SLC4A5: variants seen among roughly 807,000 people sequenced by gnomAD.
The protein encoded by SLC4A5 is electrogenic sodium bicarbonate cotransporter 4.
A neutral mutation model predicts 120.4 loss-of-function variants in SLC4A5; 96 were observed. The ratio of observed to expected loss-of-function variants is 0.80; its 90% CI spans 0.68 to 0.94. The LOEUF is 0.94. Ranked by LOEUF, SLC4A5 falls within the 40% of genes least tolerant of loss-of-function variation. The pLI, the probability that SLC4A5 is intolerant of heterozygous loss-of-function variation, is 0.00. For missense variants in SLC4A5, 1,259 were observed against 1,459.5 expected, an observed-to-expected ratio of 0.86 and a Z score of 2.24; for synonymous variants, 550 against 571.1, an observed-to-expected ratio of 0.96 and a Z score of 0.53.
At chr2:74,331,590 C>A (rs888406576) in intron 4 of SLC4A5, among the ~76,000 whole-genome samples, 4 of 151,766 alleles carry the variant, frequency 2.6e-5, no homozygotes, top group Admixed American at 2.6e-4. Context: ...GTCTGGAGAC[C>A]CTTATTCTTT....
At position 74,257,096 on chromosome 2, in the gene SLC4A5, G is replaced by A. The variant is rs575276715; in HGVS notation, c.868-1164C>T. On this transcript the variant is annotated intron_variant, in intron 12 of 30. Coordinates refer to ENST00000394019, the Ensembl canonical transcript of SLC4A5. Reference sequence around the variant, plus strand: ...AGGGGTCAGCTATGGGCATGGATATGGTCAACAGGTCCTGCCATTTTGTCC... The same window carrying A: ...AGGGGTCAGCTATGGGCATGGATATAGTCAACAGGTCCTGCCATTTTGTCC... Among the ~76,000 whole-genome samples the A allele has an allele frequency of 1.5e-4, 23 of 152,234 alleles. No homozygotes were observed. The South Asian group carries it at 2.9e-3, about 19-fold the overall frequency.
intron 21 of SLC4A5, among the ~76,000 whole-genome samples, chr2:74,238,777 C>T (rs1227207244): frequency 1.3e-5 from 2 of 152,102 alleles, no homozygotes; most frequent in Admixed American, 1.3e-4. Context: ...TATCTGCTGT[C>T]CAATATTTGC....
At chr2:74,267,777 C>T (rs1573044907) in intron 8 of SLC4A5, among the ~76,000 whole-genome samples, 1 of 152,196 alleles carries the variant, frequency 6.6e-6, no homozygotes, top group Non-Finnish European at 1.5e-5. Context: ...GGGTGGATCG[C>T]CTGTGCTCAG....
At chr2:74,322,872 A>T (rs907206918) in intron 5 of SLC4A5, among the ~76,000 whole-genome samples, 1 of 152,192 alleles carries the variant, frequency 6.6e-6, no homozygotes, top group Non-Finnish European at 1.5e-5. Context: ...AGAGTAAAAC[A>T]ATCAGAAACA....
chr2:74,257,002 G>A (rs879179752), intron 12 of SLC4A5, among the ~76,000 whole-genome samples: 20 of 152,102 alleles, frequency 1.3e-4, no homozygotes, highest in Non-Finnish European at 2.9e-4. Context: ...TCTTTCCCGC[G>A]GGCACAGGCC....
intron 5 of SLC4A5, among the ~76,000 whole-genome samples, chr2:74,315,401 C>T (rs1213215209): frequency 2.0e-5 from 3 of 146,628 alleles, no homozygotes. Context: ...GATTGCACCA[C>T]TGCATACCAG....
At chr2:74,231,174 C>T (rs1670066873) in intron 25 of SLC4A5, 62 bp downstream of exon 25, 1 of 1,512,410 alleles carries the variant, frequency 6.6e-7, no homozygotes. Context: ...CCCCTCCCTG[C>T]CTAAGGCATC....
chr2:74,254,101 A>G (rs567644572), intron 14 of SLC4A5, among the ~76,000 whole-genome samples: 33 of 152,224 alleles, frequency 2.2e-4, no homozygotes, highest in Non-Finnish European at 4.1e-4. Flanking sequence ...ACAAACGGAA[A>G]AAGAGTTAAA....
At chr2:74,239,701 G>A (rs1558872379) in intron 20 of SLC4A5, among the ~76,000 whole-genome samples, 166 bp from the exon 21 acceptor site, 1 of 152,134 alleles carries the variant, frequency 6.6e-6, no homozygotes, top group Non-Finnish European at 1.5e-5. Flanking sequence ...GGAATGACAA[G>A]CTCCCTAGGA....
At chr2:74,314,883 A>G in intron 6 of SLC4A5, 62 bp downstream of exon 6, 1 of 1,437,378 alleles carries the variant, frequency 7.0e-7, no homozygotes, top group Non-Finnish European at 9.8e-7. Context: ...GCTGTCATAA[A>G]GACATTCAGA....
intron 8 of SLC4A5, among the ~76,000 whole-genome samples, chr2:74,271,279 C>T (rs967670745): frequency 1.3e-5 from 2 of 152,176 alleles, no homozygotes; most frequent in South Asian, 4.1e-4. Context: ...TCTCCTATAA[C>T]ACCCTAGGAT....
At chr2:74,289,913 A>T (rs1672103880) in intron 7 of SLC4A5, among the ~76,000 whole-genome samples, 1 of 152,230 alleles carries the variant, frequency 6.6e-6, no homozygotes, top group Non-Finnish European at 1.5e-5. Flanking sequence ...TGATTATGTT[A>T]TTCACCAGTT....
At chr2:74,227,621 G>A in intron 26 of SLC4A5, 189 bp downstream of exon 26, 1 of 1,371,998 alleles carries the variant, frequency 7.3e-7, no homozygotes, top group East Asian at 2.4e-5. Context: ...TGAGGCCTAT[G>A]AAGTGCCTAA....
At chr2:74,290,619 A>ATGTG in intron 7 of SLC4A5, 3 of 910,744 alleles carry the variant, frequency 3.3e-6, no homozygotes, top group African/African-American at 3.0e-5. Flanking sequence ...AGAGACAGAG[A>ATGTG]AGTGAGAGAG....
At chr2:74,262,143 G>A (rs1304511108) in exon 11 of SLC4A5, 15 of 1,613,402 alleles carry the variant, frequency 9.3e-6, no homozygotes, top group African/African-American at 2.7e-5. Flanking sequence ...TCACACAGAC[G>A]TCCGTAATTT....
At chr2:74,232,390 T>C in intron 24 of SLC4A5, 79 bp downstream of exon 24, 1 of 1,526,230 alleles carries the variant, frequency 6.6e-7, no homozygotes, top group Non-Finnish European at 8.9e-7. Context: ...CAAATCCTTT[T>C]GTGGCAGGCA....
intron 8 of SLC4A5, among the ~76,000 whole-genome samples, chr2:74,279,641 C>T (rs971538523): frequency 6.6e-6 from 1 of 152,196 alleles, no homozygotes; most frequent in African/African-American, 2.4e-5. Flanking sequence ...ACGGTGGCCA[C>T]ATGATGACCC....
rs373240865 is a variant in SLC4A5, at chr2:74,244,560, C to CTCT, written c.2059+2473_2059+2475dup. On this transcript the variant is annotated intron_variant, in intron 19 of 30. Transcript: ENST00000394019. ...TCTCTCTTTCCTCCTCTTCTCTTCT[C>CTCT]TCTTCTTCTTCTTCTTCCTCCTCCT... Among the ~76,000 whole-genome samples the CTCT allele has an allele frequency of 2.8e-3, 414 of 150,390 alleles. 3 individuals carry two copies. Among genetic ancestry groups the CTCT allele is most frequent in the African/African-American group, 9.4e-3 (383 of 40,868 alleles).
At chr2:74,270,150 T>C (rs1671427185) in intron 8 of SLC4A5, among the ~76,000 whole-genome samples, 1 of 152,188 alleles carries the variant, frequency 6.6e-6, no homozygotes, top group African/African-American at 2.4e-5. Flanking sequence ...TATGAGACCA[T>C]TTAACTAGGG....
Sources: allele counts gnomAD v4.1 joint callset (sites outside exome capture counted in the v4.1 genomes callset), GRCh38; gene constraint gnomAD v4.1.1; transcripts MANE v1.5; gene names NCBI Gene and HGNC (gene_info 2026-07-23, HGNC 2026-07-21).